ECPAS: variants seen among roughly 807,000 people sequenced by gnomAD.
ECPAS encodes proteasome adapter and scaffold protein ECM29.
In ECPAS, 70 loss-of-function variants were observed where a neutral mutation model predicts 255.1. The observed-to-expected ratio is 0.27, with a 90% CI of 0.23 to 0.33. The LOEUF (loss-of-function observed/expected upper bound fraction) is 0.33. Ranked by LOEUF, ECPAS falls within the 10% of genes least tolerant of loss-of-function variation. ECPAS has a pLI of 1.00. For missense variants in ECPAS, 1,817 were observed against 2,206.4 expected, an observed-to-expected ratio of 0.82 and a Z score of 3.54; for synonymous variants, 784 against 775.0, an observed-to-expected ratio of 1.01 and a Z score of -0.19.
intron 12 of ECPAS, among the ~76,000 whole-genome samples, chr9:111,424,883 C>G (rs2098219189): frequency 6.6e-6 from 1 of 152,106 alleles, no homozygotes; most frequent in South Asian, 2.1e-4. Context: ...TTTAAAGATA[C>G]AGCAGGCTGG....
At chr9:111,446,366 G>A (rs2098252998) in intron 3 of ECPAS, among the ~76,000 whole-genome samples, 1 of 152,104 alleles carries the variant, frequency 6.6e-6, no homozygotes, top group South Asian at 2.1e-4. Context: ...TTTTTAGAAG[G>A]CCTTGCCTAA....
chr9:111,451,152 T>C (rs1470431353), intron 3 of ECPAS, among the ~76,000 whole-genome samples: 2 of 152,214 alleles, frequency 1.3e-5, no homozygotes, highest in Non-Finnish European at 2.9e-5. Context: ...GGCATGGATT[T>C]CAGATCATGC....
At chr9:111,434,011 G>A (rs544370977) in intron 7 of ECPAS, among the ~76,000 whole-genome samples, 8 of 152,274 alleles carry the variant, frequency 5.3e-5, no homozygotes, top group African/African-American at 1.4e-4. Context: ...GCAATGTGAA[G>A]ATGCTATGAA....
At chr9:111,423,662 TC>T (rs1207181757) in intron 12 of ECPAS, among the ~76,000 whole-genome samples, 3 of 152,206 alleles carry the variant, frequency 2.0e-5, no homozygotes, top group Non-Finnish European at 4.4e-5. Flanking sequence ...ACTAGGATCC[TC>T]CGTCTCTCAC....
chr9:111,423,905 G>A (rs1390420566), intron 12 of ECPAS, among the ~76,000 whole-genome samples: 1 of 151,970 alleles, frequency 6.6e-6, no homozygotes, highest in Admixed American at 6.6e-5. Context: ...GTTTATCCTA[G>A]GATTTGCCCT....
At position 111,457,218 on chromosome 9, in the gene ECPAS, G is replaced by T. The variant is rs964210073; in HGVS notation, c.23-5663C>A. ...ACTGTACAGGGTAGAGGAATCAGTG[G>T]AAGATTAAAAAGGATGTGAGGAATA... On this transcript the variant is annotated intron_variant, in intron 2 of 49. Transcript: ENST00000684092. Among the ~76,000 whole-genome samples, 11 of 152,282 alleles carry T rather than the reference G, an allele frequency of 7.2e-5. No homozygotes were observed. The South Asian group carries it at 2.3e-3, about 32-fold the overall frequency.
At chr9:111,421,561 T>C (rs1170407947) in intron 15 of ECPAS, among the ~76,000 whole-genome samples, 4 of 152,060 alleles carry the variant, frequency 2.6e-5, no homozygotes, top group African/African-American at 7.2e-5. Context: ...CTTTGACATA[T>C]GGAATTTGTC....
intron 45 of ECPAS, among the ~76,000 whole-genome samples, 170 bp from the exon 46 acceptor site, chr9:111,369,343 A>T (rs2098124572): frequency 6.6e-6 from 1 of 152,232 alleles, no homozygotes; most frequent in Admixed American, 6.5e-5. Context: ...TAACCAGAAT[A>T]CTGTATCTCT....
At chr9:111,426,208 T>C (rs760896570) in intron 10 of ECPAS, among the ~76,000 whole-genome samples, 1 of 152,138 alleles carries the variant, frequency 6.6e-6, no homozygotes, top group East Asian at 1.9e-4. Context: ...AAGTGTCCCA[T>C]TGGGGTAAAG....
intron 11 of ECPAS, 119 bp downstream of exon 11, chr9:111,425,624 T>C: frequency 1.0e-6 from 1 of 983,820 alleles, no homozygotes; most frequent in East Asian, 2.7e-5. Context: ...AATACAAAAA[T>C]TTTTAAAGAT....
At chr9:111,462,449 C>G (rs942575206) in intron 2 of ECPAS, among the ~76,000 whole-genome samples, 1 of 151,968 alleles carries the variant, frequency 6.6e-6, no homozygotes, top group Non-Finnish European at 1.5e-5. Context: ...GTAGGAGATA[C>G]TAAAAACTGT....
chr9:111,459,210 CT>C (rs1314102856), intron 2 of ECPAS, among the ~76,000 whole-genome samples: 3 of 150,798 alleles, frequency 2.0e-5, no homozygotes, highest in African/African-American at 4.9e-5. Flanking sequence ...TTACCTTTTT[CT>C]TTTTTTTTCC....
chr9:111,422,491 T>C (rs779905030), intron 13 of ECPAS, among the ~76,000 whole-genome samples: 4 of 152,218 alleles, frequency 2.6e-5, no homozygotes, highest in Non-Finnish European at 4.4e-5. Context: ...TCTAAACTAA[T>C]GACTGTCGTG....
chr9:111,385,228 G>A lies in ECPAS; in HGVS notation c.3633+109C>T, dbSNP rs1362896411. On this transcript the variant is annotated intron_variant, in intron 33 of 49. Transcript: ENST00000684092. The stretch of plus-strand genomic sequence containing the variant: ...ACTGAAACTTTGGGGGAAAACGTTG[G>A]TCTCTTAAAATTATCTGGAAATGGA... The A allele has an allele frequency of 6.3e-6, 4 of 634,630 alleles. No individual in the cohort carries two copies. In the African/African-American group the frequency reaches 7.5e-5, roughly 12 times the overall value. The allele number at this position is 634,630 out of a possible 1,614,324, so 39.3% of individuals were successfully genotyped here.
In ECPAS at chr9:111,389,631, G is replaced by A; in HGVS notation, c.3372C>T (p.Tyr1124=). 6.2e-7 allele frequency: 1 copy of A among 1,613,924 alleles called. No individual in the cohort carries two copies. The highest frequency in any genetic ancestry group is 8.5e-7 in the Non-Finnish European group (1 of 1,179,856). ...LPQLVPRLYR[Y]QFDPNLGIRQ... is the part of the protein sequence containing the mutation. Reference sequence around the variant, plus strand: ...GAATGCCAAGGTTGGGATCAAACTGGTAACGATAAAGTCGAGGAACTAGCT... The same window carrying A: ...GAATGCCAAGGTTGGGATCAAACTGATAACGATAAAGTCGAGGAACTAGCT... Residue 1124 remains tyrosine, a synonymous_variant, in exon 31 of 50, where the codon TAC becomes TAT. Transcript: ENST00000684092.
Position 111,370,519 on chromosome 9 carries a change from G to A in ECPAS, c.4890C>T (p.Ile1630=). 1.2e-6 allele frequency: 2 copies of A among 1,611,352 alleles called. No homozygotes were observed. The highest frequency in any genetic ancestry group is 1.7e-6 in the Non-Finnish European group (2 of 1,178,656). Residue 1630 remains isoleucine, a synonymous_variant, in exon 45 of 50, where the codon ATC becomes ATT. Transcript: ENST00000684092. ...CCTTCAAGATATCAGCTGCACAGCT[G>A]ATTGCTACAATCTTGTATTTGACAT... The part of the protein sequence containing the change: ...KENVKYKIVA[I]SCAADILKAT...
At chr9:111,404,900 A>G (rs1446711748) in intron 24 of ECPAS, among the ~76,000 whole-genome samples, 1 of 149,192 alleles carries the variant, frequency 6.7e-6, no homozygotes, top group East Asian at 2.0e-4. Context: ...AACATTGATG[A>G]AAAAAATTAA....
At chr9:111,398,757 T>C (rs2098171223) in intron 24 of ECPAS, among the ~76,000 whole-genome samples, 4 of 152,022 alleles carry the variant, frequency 2.6e-5, no homozygotes, top group Admixed American at 2.6e-4. Context: ...GCCAATATGG[T>C]GAAACCCCGT....
chr9:111,447,724 ATT>A (rs1246730467), intron 3 of ECPAS, among the ~76,000 whole-genome samples: 1 of 151,938 alleles, frequency 6.6e-6, no homozygotes, highest in African/African-American at 2.4e-5. Context: ...TAAAAATGCT[ATT>A]TTATTAGTAT....
Sources: allele counts gnomAD v4.1 joint callset (sites outside exome capture counted in the v4.1 genomes callset), GRCh38; gene constraint gnomAD v4.1.1; transcripts MANE v1.5; gene names NCBI Gene and HGNC (gene_info 2026-07-23, HGNC 2026-07-21).